Variants in GPLD1 observed in about 807,000 individuals in gnomAD.
GPLD1 encodes phosphatidylinositol-glycan-specific phospholipase D.
GPLD1 carries 84 observed loss-of-function variants against 112.6 expected under a neutral mutation model. The observed-to-expected ratio is 0.75, with a 90% CI of 0.63 to 0.89. The LOEUF (loss-of-function observed/expected upper bound fraction) is 0.89. Among genes scored for constraint, GPLD1 ranks in the 40% least tolerant of loss-of-function variants. The pLI, the probability that GPLD1 is intolerant of heterozygous loss-of-function variation, is 0.00. For synonymous variants in GPLD1, 386 were observed against 403.8 expected, an observed-to-expected ratio of 0.96 and a Z score of 0.53; for missense variants, 1,044 against 1,051.5, an observed-to-expected ratio of 0.99 and a Z score of 0.10.
intron 7 of GPLD1, among the ~76,000 whole-genome samples, chr6:24,469,795 GAATA>G (rs1474899606): frequency 1.3e-5 from 2 of 151,016 alleles, no homozygotes; most frequent in Non-Finnish European, 3.0e-5. Context: ...AAAATCCTCA[GAATA>G]AACAAGATAA....
intron 6 of GPLD1, 72 bp from the exon 7 acceptor site, chr6:24,472,708 G>T (rs1273259473): frequency 2.4e-5 from 20 of 822,240 alleles, no homozygotes; most frequent in Non-Finnish European, 4.3e-5. Flanking sequence ...TCAACATGAG[G>T]TCTGACAAGT....
At chr6:24,476,643 A>T (rs1764030112) in intron 3 of GPLD1, among the ~76,000 whole-genome samples, 1 of 152,186 alleles carries the variant, frequency 6.6e-6, no homozygotes, top group African/African-American at 2.4e-5. Flanking sequence ...ATTTGTTGGG[A>T]TTTTAAAAAG....
In GPLD1 at chr6:24,433,377, A is replaced by G. The variant is rs766789893; in HGVS notation, c.2371T>C (p.Leu791=). The G allele has an allele frequency of 1.2e-6, 2 of 1,609,108 alleles. No individual in the cohort carries two copies. Among genetic ancestry groups the G allele is most frequent in the Admixed American group, 1.7e-5 (1 of 60,006 alleles). ...GGGATACTTACTTCAGGAGAAATCA[A>G]TACATATTGGGCCTGAAGAAAAAAA... ...PCPEEKAQYV[L]ISPEASSRFG... is the part of the protein sequence containing the mutation. Residue 791 remains leucine, a synonymous_variant, in exon 23 of 25, where the codon TTG becomes CTG. Transcript: ENST00000230036.
At chr6:24,486,233 C>G (rs1764370489) in intron 1 of GPLD1, 103 bp from the exon 2 acceptor site, 1 of 743,764 alleles carries the variant, frequency 1.3e-6, no homozygotes, top group East Asian at 2.5e-5. Context: ...GTGGTTATAA[C>G]TGTCAAGGAC....
upstream of GPLD1, among the ~76,000 whole-genome samples, chr6:24,492,763 A>G (rs1332541210): frequency 6.6e-6 from 1 of 152,084 alleles, no homozygotes; most frequent in Non-Finnish European, 1.5e-5. Flanking sequence ...TTACACTCTG[A>G]ATGGGGGCTT....
intron 2 of GPLD1, among the ~76,000 whole-genome samples, chr6:24,482,924 G>A (rs1764253106): frequency 6.6e-6 from 1 of 152,088 alleles, no homozygotes; most frequent in Non-Finnish European, 1.5e-5. Context: ...CAGCCTGGGT[G>A]ACACAGTGAG....
Position 24,428,432 on chromosome 6 carries a change from A to G in GPLD1, c.*600T>C, listed in dbSNP as rs1413948680. 3.3e-5 allele frequency: 5 copies of G among 151,962 alleles called. No homozygotes were observed. The South Asian group carries it at 6.2e-4, about 19-fold the overall frequency. 9.4% of individuals were successfully genotyped at this position (151,962 alleles called of 1,614,324 possible). On this transcript the variant is annotated 3_prime_UTR_variant, in exon 25 of 25. Transcript: ENST00000230036. ...GCCCCAGTGTGTGTTGTTTCCCTCTATGTGTCCACGTGTTCTCATTTAGCT... is the reference window on the plus strand; with the variant it reads ...GCCCCAGTGTGTGTTGTTTCCCTCTGTGTGTCCACGTGTTCTCATTTAGCT...
chr6:24,435,374 C>T (rs1160012838), intron 22 of GPLD1, among the ~76,000 whole-genome samples: 1 of 152,000 alleles, frequency 6.6e-6, no homozygotes, highest in Non-Finnish European at 1.5e-5. Context: ...ACTAAATGCA[C>T]AATAAATGGT....
At chr6:24,436,478 G>T (rs1220667725) in intron 22 of GPLD1, 98 bp downstream of exon 22, 1 of 1,022,068 alleles carries the variant, frequency 9.8e-7, no homozygotes, top group Admixed American at 1.8e-5. Flanking sequence ...TAGGAGGTAT[G>T]AATTCAGGTA....
intron 6 of GPLD1, chr6:24,473,213 G>C (rs1158728862): frequency 6.5e-6 from 1 of 154,624 alleles, no homozygotes; most frequent in Non-Finnish European, 1.4e-5. Context: ...TCGACCATAA[G>C]GGTTTAATAA....
At chr6:24,478,237 T>G (rs187057344) in intron 3 of GPLD1, among the ~76,000 whole-genome samples, 1 of 152,258 alleles carries the variant, frequency 6.6e-6, no homozygotes, top group East Asian at 1.9e-4. Flanking sequence ...AATAATAGGT[T>G]AGAAAGGAGA....
intron 2 of GPLD1, among the ~76,000 whole-genome samples, chr6:24,484,151 A>G (rs539027347): frequency 5.3e-5 from 8 of 152,122 alleles, no homozygotes; most frequent in South Asian, 4.2e-4. Context: ...TCCTGACCTC[A>G]TGATCTGCCC....
At chr6:24,429,995 G>A (rs1762352919) in intron 24 of GPLD1, among the ~76,000 whole-genome samples, 1 of 152,024 alleles carries the variant, frequency 6.6e-6, no homozygotes, top group Admixed American at 6.6e-5. Flanking sequence ...AGCAGGATAT[G>A]ACAGTTTCTT....
At chr6:24,450,548 T>C (rs959372080) in intron 14 of GPLD1, among the ~76,000 whole-genome samples, 3 of 152,086 alleles carry the variant, frequency 2.0e-5, no homozygotes, top group Non-Finnish European at 4.4e-5. Flanking sequence ...AATAATCATA[T>C]AACATCAGCA....
In GPLD1 at chr6:24,445,815, G is replaced by T. The variant is rs1401036534; in HGVS notation, c.1837C>A (p.His613Asn). ...KNASRLGHLL[H>N]IRDEKKSLGR... ...AGGCTCTTTTTCTCATCTCGGATGTGTAACAAATGGCCCAGCCTAGAATGA... is the reference window on the plus strand; with the variant it reads ...AGGCTCTTTTTCTCATCTCGGATGTTTAACAAATGGCCCAGCCTAGAATGA... Residue 613 changes from histidine (H) to asparagine (N), a missense_variant, in exon 19 of 25, where the codon CAC (histidine) becomes AAC (asparagine). Transcript: ENST00000230036. 4 of 1,612,448 alleles carry T rather than the reference G, an allele frequency of 2.5e-6. No individual in the cohort carries two copies. Among genetic ancestry groups the T allele is most frequent in the Non-Finnish European group, 3.4e-6 (4 of 1,178,804 alleles).
At chr6:24,436,037 C>T (rs930269001) in intron 22 of GPLD1, among the ~76,000 whole-genome samples, 2 of 151,942 alleles carry the variant, frequency 1.3e-5, no homozygotes, top group Non-Finnish European at 2.9e-5. Flanking sequence ...AGAAGAACTG[C>T]TTGAGCCCAA....
At chr6:24,488,000 T>C (rs1016507314) in intron 1 of GPLD1, among the ~76,000 whole-genome samples, 11 of 152,224 alleles carry the variant, frequency 7.2e-5, no homozygotes, top group Admixed American at 7.2e-4. Context: ...TAGCTCAGTA[T>C]ATATGTCTAT....
Position 24,486,130 on chromosome 6 carries a change from C to A in GPLD1, c.98G>T (p.Gly33Val). 6.4e-7 allele frequency: 1 copy of A among 1,555,140 alleles called. No individual in the cohort carries two copies. Among genetic ancestry groups the A allele is most frequent in the Non-Finnish European group, 8.9e-7 (1 of 1,129,364 alleles). The change falls in exon 2 of 25, where the codon GGA (glycine) becomes GTA (valine). Residue 33 changes from glycine (G) to valine (V), a missense_variant and splice_region_variant. Transcript: ENST00000230036. Reference protein sequence around the residue: ...PCGLSTHVEIGHRALEFLQLH... With the variant: ...PCGLSTHVEIVHRALEFLQLH... The stretch of plus-strand genomic sequence containing the variant: ...CTGAAGAAACTCCAGAGCTCTGTGT[C>A]CTGAGAGAAATAAATACATAAATCA...
At chr6:24,483,590 A>C (rs1159959370) in intron 2 of GPLD1, among the ~76,000 whole-genome samples, 2 of 151,744 alleles carry the variant, frequency 1.3e-5, no homozygotes, top group African/African-American at 4.8e-5. Flanking sequence ...AGGCAGGAGA[A>C]TCGCTTGAAC....
Sources: gnomAD v4.1 joint callset for allele counts (sites outside exome capture counted in the v4.1 genomes callset) on GRCh38, gnomAD v4.1.1 for gene constraint, MANE v1.5 for transcripts, NCBI Gene and HGNC (gene_info 2026-07-23, HGNC 2026-07-21) for gene names.